Variants in CHST9 observed in about 807,000 individuals in gnomAD.
CHST9 encodes the protein GalNAc-4-sulfotransferase 2.
Under a neutral mutation model 44.4 loss-of-function variants are expected in CHST9, and 41 were observed. The observed-to-expected ratio is 0.92, with a 90% CI of 0.72 to 1.20. The LOEUF (loss-of-function observed/expected upper bound fraction) is 1.20. Ranked by LOEUF, CHST9 falls within the 50% of genes most tolerant of loss-of-function variation. CHST9 has a pLI of 0.00. For missense variants in CHST9, 504 were observed against 516.5 expected (o/e 0.98, Z 0.23); for synonymous variants, 171 against 178.4 (o/e 0.96, Z 0.33).
At chr18:27,053,269 A>AAGAG (rs1568151239) in intron 2 of CHST9, among the ~76,000 whole-genome samples, 8 of 114,344 alleles carry the variant, frequency 7.0e-5, no homozygotes, top group South Asian at 3.3e-4. Context: ...AAGGAGAAGG[A>AAGAG]GAAGGAGAAG....
chr18:27,141,086 C>T (rs1028306838), intron 2 of CHST9, among the ~76,000 whole-genome samples: 2 of 152,030 alleles, frequency 1.3e-5, no homozygotes, highest in Non-Finnish European at 2.9e-5. Context: ...GGGCGGGGCA[C>T]GGTGGCTCAC....
At position 26,949,094 on chromosome 18, in the gene CHST9, T is replaced by C. The variant is rs569220881; in HGVS notation, c.203-4728A>G. On this transcript the variant is annotated intron_variant, in intron 4 of 5. Transcript: ENST00000618847. ...CAGTTCTTGAGAAAGATGAATTGAG[T>C]GGTGGTGTGGAGACGGGTTGAAGGG... Among the ~76,000 whole-genome samples, 9 of 151,526 alleles carry C rather than the reference T, an allele frequency of 5.9e-5. No individual in the cohort carries two copies. The South Asian group carries it at 1.0e-3, about 18-fold the overall frequency.
chr18:27,144,128 T>C (rs1199306334), intron 1 of CHST9, among the ~76,000 whole-genome samples: 1 of 152,130 alleles, frequency 6.6e-6, no homozygotes, highest in Non-Finnish European at 1.5e-5. Context: ...AAACCCTGGC[T>C]CAGTTCCTTG....
intron 4 of CHST9, among the ~76,000 whole-genome samples, chr18:27,020,957 C>A (rs1462289421): frequency 6.6e-6 from 1 of 152,124 alleles, no homozygotes; most frequent in Non-Finnish European, 1.5e-5. Flanking sequence ...TTGCAACCAG[C>A]AAATTCTGGA....
intron 2 of CHST9, among the ~76,000 whole-genome samples, chr18:27,061,619 C>G (rs553331423): frequency 1.3e-5 from 2 of 152,244 alleles, no homozygotes; most frequent in South Asian, 4.1e-4. Flanking sequence ...AGGAGGGGAC[C>G]AGATTGCATC....
chr18:27,024,273 T>G, intron 3 of CHST9, 116 bp from the exon 4 acceptor site: 1 of 781,154 alleles, frequency 1.3e-6, no homozygotes, highest in African/African-American at 1.8e-5. Context: ...ACAAGGAAAA[T>G]GATGGGAAGG....
intron 4 of CHST9, among the ~76,000 whole-genome samples, chr18:27,010,710 T>C (rs1026138278): frequency 6.6e-6 from 1 of 152,226 alleles, no homozygotes; most frequent in African/African-American, 2.4e-5. Flanking sequence ...AATTAGTACC[T>C]ATCATTACTG....
intron 2 of CHST9, among the ~76,000 whole-genome samples, chr18:27,134,616 A>T (rs2058498680): frequency 1.3e-5 from 2 of 152,222 alleles, no homozygotes; most frequent in South Asian, 4.1e-4. Flanking sequence ...AGGCAAAATA[A>T]GTTCAGGACC....
intron 3 of CHST9, among the ~76,000 whole-genome samples, chr18:27,026,647 T>G (rs966566628): frequency 6.6e-6 from 1 of 152,142 alleles, no homozygotes; most frequent in Non-Finnish European, 1.5e-5. Flanking sequence ...ACAATCAATA[T>G]AGACTGACTG....
intron 2 of CHST9, among the ~76,000 whole-genome samples, chr18:27,133,270 A>G (rs2058487178): frequency 1.3e-5 from 2 of 152,230 alleles, no homozygotes; most frequent in South Asian, 4.1e-4. Context: ...TCAATATATT[A>G]CTAGATGTTA....
chr18:26,999,490 T>C (rs1279572723), intron 4 of CHST9, among the ~76,000 whole-genome samples: 2 of 152,212 alleles, frequency 1.3e-5, no homozygotes, highest in Non-Finnish European at 2.9e-5. Context: ...ATAATGATTT[T>C]TAGTCCATAT....
intron 4 of CHST9, among the ~76,000 whole-genome samples, chr18:26,997,120 A>G (rs956641400): frequency 3.3e-5 from 5 of 152,176 alleles, no homozygotes; most frequent in African/African-American, 1.2e-4. Flanking sequence ...CCACCTTTGC[A>G]TCTTTAAAAG....
chr18:27,142,936 C>T (rs973534212), intron 1 of CHST9, 31 bp from the exon 2 acceptor site: 2 of 801,438 alleles, frequency 2.5e-6, no homozygotes, highest in South Asian at 2.3e-5. Context: ...CTACATTGTA[C>T]ATTTCTGCTA....
At chr18:26,973,704 G>A (rs1211773705) in intron 4 of CHST9, among the ~76,000 whole-genome samples, 5 of 152,186 alleles carry the variant, frequency 3.3e-5, no homozygotes, top group Non-Finnish European at 5.9e-5. Context: ...CCCTTTAAAT[G>A]GGAAAGTGTT....
intron 4 of CHST9, among the ~76,000 whole-genome samples, chr18:26,949,839 A>C (rs2056219402): frequency 6.6e-6 from 1 of 152,216 alleles, no homozygotes; most frequent in African/African-American, 2.4e-5. Flanking sequence ...AGCAGAGAGA[A>C]GGCGAGGTGG....
intron 4 of CHST9, among the ~76,000 whole-genome samples, chr18:26,952,990 C>T (rs2056272005): frequency 6.6e-6 from 1 of 152,160 alleles, no homozygotes; most frequent in South Asian, 2.1e-4. Flanking sequence ...TTAATCACTG[C>T]TATACTCCCT....
intron 5 of CHST9, among the ~76,000 whole-genome samples, chr18:26,929,606 C>T (rs1287026093): frequency 6.6e-6 from 1 of 152,138 alleles, no homozygotes; most frequent in Non-Finnish European, 1.5e-5. Flanking sequence ...TAATAGTATC[C>T]ATAGGCCAGT....
intron 4 of CHST9, among the ~76,000 whole-genome samples, chr18:26,963,898 G>A (rs1161914345): frequency 6.6e-6 from 1 of 152,146 alleles, no homozygotes; most frequent in Non-Finnish European, 1.5e-5. Context: ...CACATAGTAA[G>A]TGCTCAATAA....
At chr18:26,923,844 T>C (rs973068121) in intron 5 of CHST9, among the ~76,000 whole-genome samples, 1 of 152,162 alleles carries the variant, frequency 6.6e-6, no homozygotes, top group Non-Finnish European at 1.5e-5. Context: ...GGAGAGATTT[T>C]TGGGGGCAAA....
Sources: gnomAD v4.1 joint callset for allele counts (sites outside exome capture counted in the v4.1 genomes callset) on GRCh38, gnomAD v4.1.1 for gene constraint, MANE v1.5 for transcripts, NCBI Gene and HGNC (gene_info 2026-07-23, HGNC 2026-07-21) for gene names.